GOLIM4: variants seen among roughly 807,000 people sequenced by gnomAD.
The protein encoded by GOLIM4 is 130 kDa golgi-localized phosphoprotein.
Under a neutral mutation model 107.4 loss-of-function variants are expected in GOLIM4, and 71 were observed. That is an observed-to-expected ratio of 0.66 (90% confidence interval 0.55 to 0.81). The LOEUF (loss-of-function observed/expected upper bound fraction) is 0.81. Ranked by LOEUF, GOLIM4 falls within the 30% of genes least tolerant of loss-of-function variation. The pLI is 0.00. For missense variants in GOLIM4, 830 were observed against 826.1 expected (o/e 1.00, Z -0.06); for synonymous variants, 327 against 294.8 (o/e 1.11, Z -1.12).
chr3:168,010,282 C>T lies in GOLIM4; in HGVS notation c.2078G>A (p.Arg693Lys), dbSNP rs767456229. ...AATTGGGTGCCGCTACATTTCAGCTCTTCGATGTGATTTCTCAGCAACTGC... is the reference window on the plus strand; with the variant it reads ...AATTGGGTGCCGCTACATTTCAGCTTTTCGATGTGATTTCTCAGCAACTGC... ...GAAVAEKSHR[R>K]AEM The change falls in exon 16 of 16, where the codon AGA (arginine) becomes AAA (lysine). Residue 693 changes from arginine to lysine, a missense_variant. Arg to Lys is a conservative substitution (Grantham distance 26). Coordinates refer to ENST00000470487, the MANE Select transcript of GOLIM4 (RefSeq NM_014498.5). 6.2e-7 allele frequency: 1 copy of T among 1,612,556 alleles called. No individual in the cohort carries two copies. The highest frequency in any genetic ancestry group is 8.5e-7 in the Non-Finnish European group (1 of 1,179,428).
At chr3:168,034,375 A>T (rs900025984) in intron 8 of GOLIM4, among the ~76,000 whole-genome samples, 1 of 152,208 alleles carries the variant, frequency 6.6e-6, no homozygotes, top group African/African-American at 2.4e-5. Context: ...TGGCAGTCTG[A>T]CAAGGGCAGA....
chr3:168,047,569 C>T (rs76189026), intron 2 of GOLIM4, among the ~76,000 whole-genome samples: 4,756 of 152,346 alleles, frequency 0.031, 237 homozygotes, highest in African/African-American at 0.11. Flanking sequence ...CTAACCAATA[C>T]TGCCCCTCCT....
In GOLIM4 at chr3:168,032,544, G is replaced by A. The variant is rs776269862; in HGVS notation, c.1152C>T (p.Leu384=). 3.7e-5 allele frequency: 60 copies of A among 1,613,902 alleles called. 1 individual carries two copies. The highest frequency in any genetic ancestry group is 5.0e-5 in the Admixed American group (3 of 59,988). Residue 384 remains leucine, a synonymous_variant, in exon 9 of 16, where the codon CTC becomes CTT. Transcript: ENST00000470487. ...CCTCAGCACGCGCGTGCCCTTCCAG[G>A]AGGTTGGCTGCTTCTCGTTGCTCAT... ...EQHEQREAAN[L]LEGHARAEVY...
At position 168,009,754 on chromosome 3, in the gene GOLIM4, T is replaced by C. The variant is rs1014655632; in HGVS notation, c.*515A>G. The C allele has an allele frequency of 1.3e-5, 2 of 152,314 alleles. No homozygotes were observed. The highest frequency in any genetic ancestry group is 2.1e-4 in the South Asian group (1 of 4,828). 9.4% of individuals were successfully genotyped at this position (152,314 alleles called of 1,614,324 possible). A position where few individuals can be genotyped will look rare whatever the true frequency, so the allele number is the denominator to read the frequency against. ...TTCCAATTGTATGTCACTTTGTACA[T>C]AGATCTCACTCCAGAGATACATAGA... On this transcript the variant is annotated 3_prime_UTR_variant, in exon 16 of 16. Transcript: ENST00000470487.
chr3:168,095,655 T>TG lies in GOLIM4; in HGVS notation c.-371dup. On this transcript the variant is annotated 5_prime_UTR_variant, in exon 1 of 16. Coordinates refer to ENST00000470487, the MANE Select transcript of GOLIM4 (RefSeq NM_014498.5). ...GGCCCCGCTGCCCCCGGGCAGTTCT[T>TG]GGAGTCCCGCCCTGGCCACTCCCCG... 4.4e-6 allele frequency: 1 copy of TG among 229,682 alleles called. No homozygotes were observed. The allele number at this position is 229,682 out of a possible 1,614,324, so 14.2% of individuals were successfully genotyped here.
chr3:168,051,715 G>T (rs912030142), intron 1 of GOLIM4, among the ~76,000 whole-genome samples: 2 of 152,170 alleles, frequency 1.3e-5, no homozygotes, highest in African/African-American at 2.4e-5. Flanking sequence ...ACAAGCCGTC[G>T]TTATAACAGC....
At chr3:168,015,106 G>C (rs892064971) in intron 14 of GOLIM4, among the ~76,000 whole-genome samples, 11 of 150,938 alleles carry the variant, frequency 7.3e-5, no homozygotes, top group African/African-American at 2.7e-4. Context: ...AATTGTCCCT[G>C]TTTGCAGACG....
chr3:168,083,742 CAAT>C (rs2108291481), intron 1 of GOLIM4, among the ~76,000 whole-genome samples: 1 of 152,290 alleles, frequency 6.6e-6, no homozygotes, highest in African/African-American at 2.4e-5. Context: ...ATGTTGCCAA[CAAT>C]GACAATAATA....
At chr3:168,093,112 T>A (rs911565010) in intron 1 of GOLIM4, among the ~76,000 whole-genome samples, 7 of 152,052 alleles carry the variant, frequency 4.6e-5, no homozygotes, top group African/African-American at 1.7e-4. Context: ...AAAAGGCAAA[T>A]TAGAAAAGAA....
intron 1 of GOLIM4, among the ~76,000 whole-genome samples, chr3:168,089,910 A>G (rs1301945796): frequency 6.6e-6 from 1 of 151,918 alleles, no homozygotes; most frequent in Non-Finnish European, 1.5e-5. Context: ...TGGGATTATA[A>G]GCATGTGCCA....
At chr3:168,038,667 G>A (rs554725072) in intron 7 of GOLIM4, among the ~76,000 whole-genome samples, 1 of 152,288 alleles carries the variant, frequency 6.6e-6, no homozygotes, top group African/African-American at 2.4e-5. Flanking sequence ...TAAAAATCAG[G>A]TTGTCAAGGC....
chr3:168,048,197 C>A, intron 2 of GOLIM4, 94 bp downstream of exon 2: 2 of 697,910 alleles, frequency 2.9e-6, no homozygotes, highest in Non-Finnish European at 5.1e-6. Context: ...GATTTGAGAA[C>A]GATCTTAGCC....
At position 168,044,870 on chromosome 3, in the gene GOLIM4, A is replaced by T; in HGVS notation, c.324T>A (p.Asn108Lys). ...ETLNKGRQDSNSRYSALNVQH... is the reference protein window; with the variant it reads ...ETLNKGRQDSKSRYSALNVQH... ...GGACATTCAGTGCACTGTATCTGCT[A>T]TTGGAATCTTGCTGTAAATCAAAAA... The change falls in exon 4 of 16, where the codon AAT (asparagine) becomes AAA (lysine). Residue 108 changes from asparagine (N) to lysine (K), a missense_variant. By Grantham distance (94) the Asn-to-Lys change is moderately conservative. Coordinates refer to ENST00000470487, the MANE Select transcript of GOLIM4 (RefSeq NM_014498.5). The T allele has an allele frequency of 6.5e-7, 1 of 1,538,666 alleles. No homozygotes were observed. The highest frequency in any genetic ancestry group is 8.8e-7 in the Non-Finnish European group (1 of 1,132,942).
Position 168,036,946 on chromosome 3 carries a change from G to A in GOLIM4, c.733C>T (p.Pro245Ser). 6.2e-7 allele frequency: 1 copy of A among 1,613,524 alleles called. No individual in the cohort carries two copies. Among genetic ancestry groups the A allele is most frequent in the East Asian group, 2.2e-5 (1 of 44,878 alleles). ...KQLKDTLNRI[P>S]SLRKPDPAEQ... ...GCTGGATCAGGTTTTCGAAGGCTTG[G>A]AATCCTATTCAGAGTATCTTTCAGT... The change falls in exon 8 of 16, where the codon CCA becomes TCA. Residue 245 changes from proline (P) to serine (S), a missense_variant. Transcript: ENST00000470487.
intron 11 of GOLIM4, among the ~76,000 whole-genome samples, chr3:168,028,555 G>T (rs1378949641): frequency 1.3e-5 from 2 of 152,116 alleles, no homozygotes; most frequent in African/African-American, 4.8e-5. Context: ...GCACAAAGGG[G>T]TTTACTACAT....
At chr3:168,059,014 C>T (rs922328320) in intron 1 of GOLIM4, among the ~76,000 whole-genome samples, 5 of 152,148 alleles carry the variant, frequency 3.3e-5, no homozygotes, top group Non-Finnish European at 5.9e-5. Context: ...TTGTTTCTTG[C>T]TCCCAAAATT....
chr3:168,055,207 A>T (rs1209431145), intron 1 of GOLIM4, among the ~76,000 whole-genome samples: 10 of 152,178 alleles, frequency 6.6e-5, no homozygotes, highest in African/African-American at 2.4e-4. Context: ...AGGCTGTAAC[A>T]GCTTGGAGGC....
At position 168,066,034 on chromosome 3, in the gene GOLIM4, C is replaced by G. The variant is rs535199708; in HGVS notation, c.188-17669G>C. ...TGAATAAATGTTTAAGATCTTAGAACATAATAGTGATGTTCAGAAAGAATA... is the reference window on the plus strand; with the variant it reads ...TGAATAAATGTTTAAGATCTTAGAAGATAATAGTGATGTTCAGAAAGAATA... On this transcript the variant is annotated intron_variant, in intron 1 of 15. Transcript: ENST00000470487. 2.6e-5 allele frequency among the ~76,000 whole-genome samples: 4 copies of G among 152,144 alleles called. No homozygotes were observed. In the South Asian group the frequency reaches 8.3e-4, roughly 32 times the overall value.
chr3:168,024,836 G>T, intron 13 of GOLIM4, 92 bp downstream of exon 13: 2 of 1,305,154 alleles, frequency 1.5e-6, no homozygotes, highest in Non-Finnish European at 2.2e-6. Context: ...CAAACCTTCC[G>T]TCAATGTGGA....
Sources: gnomAD v4.1 joint callset for allele counts (sites outside exome capture counted in the v4.1 genomes callset) on GRCh38, gnomAD v4.1.1 for gene constraint, MANE v1.5 for transcripts, NCBI Gene and HGNC (gene_info 2026-07-23, HGNC 2026-07-21) for gene names.